KBTBD13: variants seen among roughly 807,000 people sequenced by gnomAD.
KBTBD13 encodes the protein kelch repeat and BTB domain containing 13, also known as kelch repeat and BTB domain-containing protein 13.
KBTBD13 carries 32 observed loss-of-function variants against 25.4 expected under a neutral mutation model. That is an observed-to-expected ratio of 1.26 (90% CI 0.95 to 1.69). The LOEUF (loss-of-function observed/expected upper bound fraction) is 1.69, where lower values mean the gene tolerates loss of function less well. Ranked by LOEUF, KBTBD13 falls within the 40% of genes most tolerant of loss-of-function variation. The pLI is 0.00. For synonymous variants in KBTBD13, 436 were observed against 329.8 expected (o/e 1.32, Z -3.49); for missense variants, 898 against 679.5 (o/e 1.32, Z -3.57).
Position 65,076,768 on chromosome 15 carries a change from C to T in KBTBD13, c.-48C>T. The T allele has an allele frequency of 1.4e-6, 2 of 1,465,660 alleles. No homozygotes were observed. The highest frequency in any genetic ancestry group is 1.8e-6 in the Non-Finnish European group (2 of 1,108,976). The allele number at this position is 1,465,660 out of a possible 1,614,324, so 90.8% of individuals were successfully genotyped here. On this transcript the variant is annotated 5_prime_UTR_variant, in exon 1 of 1. Coordinates refer to ENST00000432196, the MANE Select transcript of KBTBD13 (RefSeq NM_001101362.3). ...TCCAGGGGAGCCCCAGAGTTGGTGG[C>T]TGGCTAACCCAAGGCCCCAGCGGCA...
chr15:65,078,249 T>G lies in KBTBD13; in HGVS notation c.*57T>G, dbSNP rs2087010130. On this transcript the variant is annotated 3_prime_UTR_variant, in exon 1 of 1. Transcript: ENST00000432196. Reference sequence around the variant, plus strand: ...CCGCGACTCCTCCCTGAGCTATGGCTGAGTGTGTGAGGCCGGCCTTAGAAG... The same window carrying G: ...CCGCGACTCCTCCCTGAGCTATGGCGGAGTGTGTGAGGCCGGCCTTAGAAG... 1.5e-5 allele frequency: 23 copies of G among 1,509,824 alleles called. No individual in the cohort carries two copies. The South Asian group carries it at 2.7e-4, about 18-fold the overall frequency. 93.5% of individuals were successfully genotyped at this position (1,509,824 alleles called of 1,614,324 possible).
In KBTBD13 at chr15:65,077,084, C is replaced by G. The variant is rs879424375; in HGVS notation, c.269C>G (p.Ala90Gly). Residue 90 changes from alanine to glycine, a missense_variant, in exon 1 of 1, where the codon GCG (alanine) becomes GGG (glycine). Transcript: ENST00000432196. ...QAVECAAFLQAPALARFLEHN... is the reference protein window; with the variant it reads ...QAVECAAFLQGPALARFLEHN... ...GTGGAGTGCGCCGCCTTCCTCCAGG[C>G]GCCGGCGCTGGCTCGCTTTCTGGAG... 7 of 1,516,126 alleles carry G rather than the reference C, an allele frequency of 4.6e-6. No homozygotes were observed. In the East Asian group the frequency reaches 7.6e-5, roughly 16 times the overall value. The allele number at this position is 1,516,126 out of a possible 1,614,324, so 93.9% of individuals were successfully genotyped here. A position where few individuals can be genotyped will look rare whatever the true frequency, so the allele number is the denominator to read the frequency against.
Position 65,077,595 on chromosome 15 carries a change from C to T in KBTBD13, c.780C>T (p.Leu260=). 1.3e-6 allele frequency: 2 copies of T among 1,574,574 alleles called. No individual in the cohort carries two copies. Among genetic ancestry groups the T allele is most frequent in the Non-Finnish European group, 1.7e-6 (2 of 1,167,602 alleles). ...CGCTGGCCGGCTTCGACGGCCGCCT[C>T]TACGCCATCGGCGGCGAATTCCAGA... ...DTALAGFDGR[L]YAIGGEFQRT... is the part of the protein sequence containing the mutation. The change falls in exon 1 of 1, where the codon CTC becomes CTT. Residue 260 remains leucine (L), a synonymous_variant. Coordinates refer to ENST00000432196, the MANE Select transcript of KBTBD13 (RefSeq NM_001101362.3).
In KBTBD13 at chr15:65,077,033, CG is replaced by C; in HGVS notation, c.220del (p.Ala74ArgfsTer87). 6.7e-7 allele frequency: 1 copy of C among 1,497,292 alleles called. No homozygotes were observed. The allele number at this position is 1,497,292 out of a possible 1,614,324, so 92.8% of individuals were successfully genotyped here. ...CTGCGCGGCGACCGGCCGGCGCTGG[CG>C]GCGGAGGACGAGCTGCTGCAGGCCG... The part of the protein sequence containing the change: ...QVLRGDRPAL[A>X]AEDELLQAVE... On this transcript the variant is annotated frameshift_variant, in exon 1 of 1. Transcript: ENST00000432196. LOFTEE classifies it high-confidence loss of function.
rs1165321303 is a variant in KBTBD13 at position 65,077,341 on chromosome 15, A to T, written c.526A>T (p.Thr176Ser). 2.0e-6 allele frequency: 3 copies of T among 1,466,520 alleles called. No individual in the cohort carries two copies. Among genetic ancestry groups the T allele is most frequent in the South Asian group, 2.6e-5 (2 of 77,602 alleles). 90.8% of individuals were successfully genotyped at this position (1,466,520 alleles called of 1,614,324 possible). A position where few individuals can be genotyped will look rare whatever the true frequency, so the allele number is the denominator to read the frequency against. Residue 176 changes from threonine to serine, a missense_variant, in exon 1 of 1, where the codon ACG becomes TCG. Coordinates refer to ENST00000432196, the MANE Select transcript of KBTBD13 (RefSeq NM_001101362.3). ...APGFLEDASR[T>S]LCYLDEEEDA... The stretch of plus-strand genomic sequence containing the variant: ...CGGCTTCCTGGAGGACGCCTCGCGC[A>T]CGCTGTGTTACCTGGACGAGGAAGA...
In KBTBD13 at chr15:65,078,238, T is replaced by G. The variant is rs1351922861; in HGVS notation, c.*46T>G. The stretch of plus-strand genomic sequence containing the variant: ...GGGAGGAGACGCCGCGACTCCTCCC[T>G]GAGCTATGGCTGAGTGTGTGAGGCC... On this transcript the variant is annotated 3_prime_UTR_variant, in exon 1 of 1. Transcript: ENST00000432196. The G allele has an allele frequency of 6.6e-7, 1 of 1,522,802 alleles. No individual in the cohort carries two copies. The highest frequency in any genetic ancestry group is 8.8e-7 in the Non-Finnish European group (1 of 1,138,220). The allele number at this position is 1,522,802 out of a possible 1,614,324, so 94.3% of individuals were successfully genotyped here. A position where few individuals can be genotyped will look rare whatever the true frequency, so the allele number is the denominator to read the frequency against.
Position 65,077,482 on chromosome 15 carries a change from G to A in KBTBD13, c.667G>A (p.Glu223Lys). The A allele has an allele frequency of 2.6e-6, 4 of 1,523,810 alleles. No individual in the cohort carries two copies. The highest frequency in any genetic ancestry group is 2.6e-6 in the Non-Finnish European group (3 of 1,138,400). 94.4% of individuals were successfully genotyped at this position (1,523,810 alleles called of 1,614,324 possible). ...GGGGGGCGTGCGCGGCGCCAGCAAG[G>A]AGGTGGTAGAGCTGGGCTTCTGCTA... The part of the protein sequence containing the change: ...IVGGVRGASK[E>K]VVELGFCYDP... The change falls in exon 1 of 1, where the codon GAG (glutamate) becomes AAG (lysine). Residue 223 changes from glutamate to lysine, a missense_variant. Coordinates refer to ENST00000432196, the MANE Select transcript of KBTBD13 (RefSeq NM_001101362.3).
chr15:65,077,151 GGCC>G lies in KBTBD13; in HGVS notation c.343_345del (p.Ala115del). 6.6e-7 allele frequency: 1 copy of G among 1,513,086 alleles called. No individual in the cohort carries two copies. Among genetic ancestry groups the G allele is most frequent in the Non-Finnish European group, 8.8e-7 (1 of 1,135,898 alleles). The allele number at this position is 1,513,086 out of a possible 1,614,324, so 93.7% of individuals were successfully genotyped here. A position where few individuals can be genotyped will look rare whatever the true frequency, so the allele number is the denominator to read the frequency against. ...ACAACTGCGCATTGCTGTGCGACGC[GGCC>G]GCCGCCTTCGGCCTGCGCGACGTGT... is the stretch of plus-strand genomic sequence containing the variant. On this transcript the variant is annotated inframe_deletion, in exon 1 of 1. Coordinates refer to ENST00000432196, the MANE Select transcript of KBTBD13 (RefSeq NM_001101362.3).
rs1168871172 is a variant in KBTBD13, at chr15:65,079,487, G to C, written c.*1295G>C. On this transcript the variant is annotated 3_prime_UTR_variant, in exon 1 of 1. Coordinates refer to ENST00000432196, the MANE Select transcript of KBTBD13 (RefSeq NM_001101362.3). ...GGCAGAGATCCTGTTAAGTGAGCTGGGGGACTTCCCTGTCCCAGATTAAAA... is the reference window on the plus strand; with the variant it reads ...GGCAGAGATCCTGTTAAGTGAGCTGCGGGACTTCCCTGTCCCAGATTAAAA... 1.3e-5 allele frequency among the ~76,000 whole-genome samples: 2 copies of C among 152,190 alleles called. No individual in the cohort carries two copies. The highest frequency in any genetic ancestry group is 4.8e-5 in the African/African-American group (2 of 41,452).
Position 65,076,785 on chromosome 15 carries a change from C to G in KBTBD13, c.-31C>G. ...GTTGGTGGCTGGCTAACCCAAGGCC[C>G]CAGCGGCAGCCTCCGCCCGGCCAGC... On this transcript the variant is annotated 5_prime_UTR_variant, in exon 1 of 1. Coordinates refer to ENST00000432196, the MANE Select transcript of KBTBD13 (RefSeq NM_001101362.3). The G allele has an allele frequency of 6.7e-7, 1 of 1,490,170 alleles. No individual in the cohort carries two copies. Among genetic ancestry groups the G allele is most frequent in the Non-Finnish European group, 8.9e-7 (1 of 1,120,724 alleles). 92.3% of individuals were successfully genotyped at this position (1,490,170 alleles called of 1,614,324 possible).
chr15:65,076,957 G>A lies in KBTBD13; in HGVS notation c.142G>A (p.Val48Met), dbSNP rs751061929. ...CATGCGGGAGACCCGCGCAGCAGAGGTGCGCCTGGGCGTTCTGAGCGCGGG... is the reference window on the plus strand; with the variant it reads ...CATGCGGGAGACCCGCGCAGCAGAGATGCGCCTGGGCGTTCTGAGCGCGGG... ...SGMRETRAAE[V>M]RLGVLSAGGF... Residue 48 changes from valine (V) to methionine (M), a missense_variant, in exon 1 of 1, where the codon GTG becomes ATG. Coordinates refer to ENST00000432196, the MANE Select transcript of KBTBD13 (RefSeq NM_001101362.3). 6.4e-7 allele frequency: 1 copy of A among 1,550,620 alleles called. No homozygotes were observed. Among genetic ancestry groups the A allele is most frequent in the African/African-American group, 1.4e-5 (1 of 73,732 alleles).
At position 65,077,703 on chromosome 15, in the gene KBTBD13, C is replaced by G. The variant is rs529828976; in HGVS notation, c.888C>G (p.Ala296=). ...SFVADLPQPA[A]GVPCAQACGR... is the part of the protein sequence containing the mutation. ...TGGCCGACCTGCCGCAGCCGGCCGC[C>G]GGCGTGCCCTGCGCCCAGGCTTGTG... Residue 296 remains alanine (A), a synonymous_variant, in exon 1 of 1, where the codon GCC becomes GCG. Transcript: ENST00000432196. The G allele has an allele frequency of 5.7e-6, 9 of 1,579,072 alleles. No individual in the cohort carries two copies. The East Asian group carries it at 2.1e-4, about 36-fold the overall frequency.
rs1415277432 is a variant in KBTBD13 at position 65,079,634 on chromosome 15, A to G, written c.*1442A>G. On this transcript the variant is annotated 3_prime_UTR_variant, in exon 1 of 1. Coordinates refer to ENST00000432196, the MANE Select transcript of KBTBD13 (RefSeq NM_001101362.3). Reference sequence around the variant, plus strand: ...AAATCCCCAGCTCTGGCTTCTGGGCAGATGCCTGTCCCAGCCCTTTCCAGC... The same window carrying G: ...AAATCCCCAGCTCTGGCTTCTGGGCGGATGCCTGTCCCAGCCCTTTCCAGC... 1.3e-5 allele frequency among the ~76,000 whole-genome samples: 2 copies of G among 152,234 alleles called. No individual in the cohort carries two copies. Among genetic ancestry groups the G allele is most frequent in the African/African-American group, 4.8e-5 (2 of 41,450 alleles).
rs1206886882 is a variant in KBTBD13, at chr15:65,078,620, A to G, written c.*428A>G. On this transcript the variant is annotated 3_prime_UTR_variant, in exon 1 of 1. Coordinates refer to ENST00000432196, the MANE Select transcript of KBTBD13 (RefSeq NM_001101362.3). ...CCACACAGGGATCCAGGAAGCTTAAAGGATAACCCAGAAAACAATCTTAAC... is the reference window on the plus strand; with the variant it reads ...CCACACAGGGATCCAGGAAGCTTAAGGGATAACCCAGAAAACAATCTTAAC... 6.6e-6 allele frequency among the ~76,000 whole-genome samples: 1 copy of G among 152,242 alleles called. No individual in the cohort carries two copies.
Position 65,077,015 on chromosome 15 carries a change from G to A in KBTBD13, c.200G>A (p.Gly67Asp). 1.3e-6 allele frequency: 2 copies of A among 1,510,288 alleles called. No homozygotes were observed. Among genetic ancestry groups the A allele is most frequent in the East Asian group, 5.0e-5 (2 of 39,670 alleles). 93.6% of individuals were successfully genotyped at this position (1,510,288 alleles called of 1,614,324 possible). A position where few individuals can be genotyped will look rare whatever the true frequency, so the allele number is the denominator to read the frequency against. Residue 67 changes from glycine (G) to aspartate (D), a missense_variant, in exon 1 of 1, where the codon GGC (glycine) becomes GAC (aspartate). Physicochemically the swap from Gly to Asp is moderately conservative, Grantham distance 94 (BLOSUM62 -1). Coordinates refer to ENST00000432196, the MANE Select transcript of KBTBD13 (RefSeq NM_001101362.3). ...GFRATLQVLR[G>D]DRPALAAEDE... ...CGCGCCACGCTGCAGGTGCTGCGCG[G>A]CGACCGGCCGGCGCTGGCGGCGGAG... is the stretch of plus-strand genomic sequence containing the variant.
Position 65,077,018 on chromosome 15 carries a change from A to ACCGG in KBTBD13, c.209_212dup (p.Leu72GlyfsTer74). 1 of 1,509,386 alleles carries ACCGG rather than the reference A, an allele frequency of 6.6e-7. No individual in the cohort carries two copies. The allele number at this position is 1,509,386 out of a possible 1,614,324, so 93.5% of individuals were successfully genotyped here. On this transcript the variant is annotated frameshift_variant, in exon 1 of 1. Transcript: ENST00000432196. LOFTEE classifies it high-confidence loss of function. Reference sequence around the variant, plus strand: ...GCCACGCTGCAGGTGCTGCGCGGCGACCGGCCGGCGCTGGCGGCGGAGGAC... The same window carrying ACCGG: ...GCCACGCTGCAGGTGCTGCGCGGCGACCGGCCGGCCGGCGCTGGCGGCGGAGGAC...
At position 65,077,572 on chromosome 15, in the gene KBTBD13, C is replaced by A. The variant is rs750627612; in HGVS notation, c.757C>A (p.Leu253Met). 1.2e-5 allele frequency: 19 copies of A among 1,558,252 alleles called. No homozygotes were observed. The East Asian group carries it at 4.3e-4, about 35-fold the overall frequency. The change falls in exon 1 of 1, where the codon CTG becomes ATG. Residue 253 changes from leucine to methionine, a missense_variant. Transcript: ENST00000432196. The stretch of plus-strand genomic sequence containing the variant: ...GCACCAGCCGCGCTATGACACAGCG[C>A]TGGCCGGCTTCGACGGCCGCCTCTA... The part of the protein sequence containing the change: ...SPHQPRYDTA[L>M]AGFDGRLYAI...
At position 65,077,498 on chromosome 15, in the gene KBTBD13, G is replaced by A; in HGVS notation, c.683G>A (p.Gly228Asp). The change falls in exon 1 of 1, where the codon GGC becomes GAC. Residue 228 changes from glycine to aspartate, a missense_variant. Gly to Asp is a moderately conservative substitution (Grantham distance 94). Transcript: ENST00000432196. The stretch of plus-strand genomic sequence containing the variant: ...GCCAGCAAGGAGGTGGTAGAGCTGG[G>A]CTTCTGCTACGACCCCGACGGCGGC... ...RGASKEVVELGFCYDPDGGTW... is the reference protein window; with the variant it reads ...RGASKEVVELDFCYDPDGGTW... The A allele has an allele frequency of 6.6e-7, 1 of 1,523,600 alleles. No homozygotes were observed. The highest frequency in any genetic ancestry group is 8.8e-7 in the Non-Finnish European group (1 of 1,137,142). The allele number at this position is 1,523,600 out of a possible 1,614,324, so 94.4% of individuals were successfully genotyped here. A position where few individuals can be genotyped will look rare whatever the true frequency, so the allele number is the denominator to read the frequency against.
At position 65,078,290 on chromosome 15, in the gene KBTBD13, C is replaced by G. The variant is rs1225772759; in HGVS notation, c.*98C>G. 2 of 1,443,870 alleles carry G rather than the reference C, an allele frequency of 1.4e-6. No individual in the cohort carries two copies. Among genetic ancestry groups the G allele is most frequent in the Non-Finnish European group, 1.8e-6 (2 of 1,092,590 alleles). 89.4% of individuals were successfully genotyped at this position (1,443,870 alleles called of 1,614,324 possible). On this transcript the variant is annotated 3_prime_UTR_variant, in exon 1 of 1. Coordinates refer to ENST00000432196, the MANE Select transcript of KBTBD13 (RefSeq NM_001101362.3). The stretch of plus-strand genomic sequence containing the variant: ...GCCTTAGAAGTAGCTGGCAACTTCC[C>G]TCTTTCTACTGAGACACCCAGGTTT...
Sources: allele counts gnomAD v4.1 joint callset (sites outside exome capture counted in the v4.1 genomes callset), GRCh38; gene constraint gnomAD v4.1.1; transcripts MANE v1.5; gene names NCBI Gene and HGNC (gene_info 2026-07-23, HGNC 2026-07-21).